Variants in STIL observed in about 807,000 individuals in gnomAD.
The protein encoded by STIL is SCL-interrupting locus protein.
A neutral mutation model predicts 110.1 loss-of-function variants in STIL; 55 were observed. That is an observed-to-expected ratio of 0.50 (90% CI 0.40 to 0.63). The LOEUF (loss-of-function observed/expected upper bound fraction) is 0.63. Ranked by LOEUF, STIL falls within the 20% of genes least tolerant of loss-of-function variation. The pLI is 0.00. For missense variants in STIL, 1,358 were observed against 1,530.0 expected, an observed-to-expected ratio of 0.89 and a Z score of 1.87; for synonymous variants, 481 against 530.0, an observed-to-expected ratio of 0.91 and a Z score of 1.27.
At chr1:47,279,024 G>A (rs2148952913) in intron 12 of STIL, among the ~76,000 whole-genome samples, 1 of 152,122 alleles carries the variant, frequency 6.6e-6, no homozygotes, top group African/African-American at 2.4e-5. Flanking sequence ...ATGGCCGGGC[G>A]CGGAGGCTCA....
chr1:47,270,239 AAAATAT>A (rs1226706679), intron 13 of STIL, among the ~76,000 whole-genome samples: 2 of 119,160 alleles, frequency 1.7e-5, no homozygotes, highest in African/African-American at 6.9e-5. Context: ...AAAAAAAAAA[AAAATAT>A]ATATATATAT....
At chr1:47,285,323 T>C (rs1362558560) in intron 10 of STIL, among the ~76,000 whole-genome samples, 1 of 152,186 alleles carries the variant, frequency 6.6e-6, no homozygotes, top group African/African-American at 2.4e-5. Flanking sequence ...TGAGCCACTG[T>C]GCTCAGCCTC....
At chr1:47,311,193 A>G (rs1646112518) in intron 1 of STIL, among the ~76,000 whole-genome samples, 1 of 147,330 alleles carries the variant, frequency 6.8e-6, no homozygotes, top group Admixed American at 6.8e-5. Flanking sequence ...ACTATCCTCC[A>G]CTCCCATTGC....
intron 2 of STIL, 141 bp downstream of exon 2, chr1:47,310,135 C>G: frequency 2.9e-6 from 2 of 680,084 alleles, no homozygotes; most frequent in Non-Finnish European, 5.0e-6. Context: ...ATCACGGTCA[C>G]CCACCTAACA....
At chr1:47,254,441 ATAATGT>A (rs1438601220) in intron 16 of STIL, among the ~76,000 whole-genome samples, 3 of 152,254 alleles carry the variant, frequency 2.0e-5, no homozygotes, top group East Asian at 1.9e-4. Flanking sequence ...CAGTCTATAG[ATAATGT>A]TAATGTAAAT....
chr1:47,302,845 CAAT>C (rs1386080641), intron 3 of STIL, among the ~76,000 whole-genome samples: 12 of 152,080 alleles, frequency 7.9e-5, no homozygotes, highest in African/African-American at 2.9e-4. Context: ...TGATTAACAA[CAAT>C]AATTAATAGT....
rs781198302 is a variant in STIL at position 47,251,090 on chromosome 1, C to T, written c.*46G>A. 1.1e-5 allele frequency: 18 copies of T among 1,576,968 alleles called. No homozygotes were observed. Among genetic ancestry groups the T allele is most frequent in the Non-Finnish European group, 1.6e-5 (18 of 1,157,798 alleles). ...GGCTCCTGTTTTCCCTAAGTATCTT[C>T]AGGAGACACCCTGTCCCTGTATTAA... is the stretch of plus-strand genomic sequence containing the variant. On this transcript the variant is annotated 3_prime_UTR_variant, in exon 17 of 17. Transcript: ENST00000371877.
rs1407593304 is a variant in STIL at position 47,311,123 on chromosome 1, G to C, written c.-43-761C>G. The stretch of plus-strand genomic sequence containing the variant: ...GGCCTCCCAAAGTGCTAGGATTACA[G>C]GTGTGAGCCACCATGCCCAGCCCAG... On this transcript the variant is annotated intron_variant, in intron 1 of 16. Transcript: ENST00000371877. Among the ~76,000 whole-genome samples the C allele has an allele frequency of 2.6e-5, 4 of 152,252 alleles. No homozygotes were observed. The East Asian group carries it at 7.7e-4, about 29-fold the overall frequency.
intron 6 of STIL, among the ~76,000 whole-genome samples, chr1:47,296,277 T>C (rs959568561): frequency 6.6e-6 from 1 of 152,130 alleles, no homozygotes; most frequent in African/African-American, 2.4e-5. Flanking sequence ...GACTTCTAAG[T>C]GAAGGAGACT....
intron 16 of STIL, among the ~76,000 whole-genome samples, chr1:47,257,938 A>G (rs961798851): frequency 2.6e-5 from 4 of 152,248 alleles, no homozygotes; most frequent in African/African-American, 9.6e-5. Context: ...TAGCTGGCAC[A>G]CATGTATATG....
intron 6 of STIL, among the ~76,000 whole-genome samples, chr1:47,298,491 G>A (rs1039627267): frequency 1.3e-5 from 2 of 152,060 alleles, no homozygotes; most frequent in Non-Finnish European, 2.9e-5. Flanking sequence ...TGGCAATTTG[G>A]TAAGCAAGAG....
rs1645149295 is a variant in STIL, at chr1:47,281,176, A to G, written c.1282T>C (p.Ser428Pro). 6.2e-7 allele frequency: 1 copy of G among 1,613,680 alleles called. No individual in the cohort carries two copies. The highest frequency in any genetic ancestry group is 8.5e-7 in the Non-Finnish European group (1 of 1,179,934). Reference protein sequence around the residue: ...SKIQPSVPELSLVLDGNFIES... With the variant: ...SKIQPSVPELPLVLDGNFIES... ...ATGAAATTGCCATCCAACACAAGTG[A>G]AAGTTCAGGAACTGATGGTTGGATC... Residue 428 changes from serine (S) to proline (P), a missense_variant, in exon 12 of 17, where the codon TCA (serine) becomes CCA (proline). Transcript: ENST00000371877.
chr1:47,302,272 G>GA lies in STIL; in HGVS notation c.226dup (p.Ser76PhefsTer15). ...CAGAGAACCAAGTAAAAAGCATGAC[G>GA]AATTTTTTTTATTCTGCTTAGCATG... is the stretch of plus-strand genomic sequence containing the variant. On this transcript the variant is annotated frameshift_variant, in exon 4 of 17. Transcript: ENST00000371877. LOFTEE classifies it high-confidence loss of function. 6.2e-7 allele frequency: 1 copy of GA among 1,613,942 alleles called. No individual in the cohort carries two copies. The highest frequency in any genetic ancestry group is 8.5e-7 in the Non-Finnish European group (1 of 1,179,946).
At chr1:47,269,090 A>G (rs77764365) in intron 14 of STIL, among the ~76,000 whole-genome samples, 1 of 139,204 alleles carries the variant, frequency 7.2e-6, no homozygotes, top group East Asian at 2.0e-4. Context: ...GACTCCGTCA[A>G]AAAAAAAAAA....
intron 6 of STIL, among the ~76,000 whole-genome samples, chr1:47,297,942 A>T (rs1347092295): frequency 6.6e-6 from 1 of 152,178 alleles, no homozygotes; most frequent in Non-Finnish European, 1.5e-5. Context: ...AAACAAATTA[A>T]TTTTTTTGTT....
chr1:47,298,149 A>G (rs1244285236), intron 6 of STIL, among the ~76,000 whole-genome samples: 1 of 152,198 alleles, frequency 6.6e-6, no homozygotes, highest in East Asian at 1.9e-4. Context: ...AGGTATTTTT[A>G]GAGAATAAGA....
rs1291450658 is a variant in STIL, at chr1:47,251,233, A to G, written c.3770T>C (p.Leu1257Ser). 6.2e-7 allele frequency: 1 copy of G among 1,611,290 alleles called. No homozygotes were observed. Among genetic ancestry groups the G allele is most frequent in the East Asian group, 2.2e-5 (1 of 44,862 alleles). ...CTGCTTTAGCGTTTCAGAAGGTTGC[A>G]AACTTTCAGGAAAAATTGTAATGTC... ...EGDITIFPES[L>S]QPSETLKQMN... The change falls in exon 17 of 17, where the codon TTG (leucine) becomes TCG (serine). Residue 1257 changes from leucine (L) to serine (S), a missense_variant. Transcript: ENST00000371877.
In STIL at chr1:47,288,876, C is replaced by T. The variant is rs1258840691; in HGVS notation, c.1023+559G>A. ...AGCATGGCCAACATGGTGAAACTCC[C>T]TCTCTAATGAAAATACAAAAAAAAA... On this transcript the variant is annotated intron_variant, in intron 9 of 16. Coordinates refer to ENST00000371877, the MANE Select transcript of STIL (RefSeq NM_001048166.1). 7.4e-5 allele frequency among the ~76,000 whole-genome samples: 10 copies of T among 135,372 alleles called. No homozygotes were observed. In the East Asian group the frequency reaches 2.2e-3, roughly 29 times the overall value. The allele number at this position is 135,372 out of a possible 152,430, so 88.8% of individuals were successfully genotyped here.
chr1:47,285,063 A>G (rs925821875), intron 10 of STIL, among the ~76,000 whole-genome samples: 2 of 133,536 alleles, frequency 1.5e-5, no homozygotes, highest in African/African-American at 5.8e-5. Context: ...TCATTTTATC[A>G]CCCAGGCTGC....
Sources: gnomAD v4.1 joint callset for allele counts (sites outside exome capture counted in the v4.1 genomes callset) on GRCh38, gnomAD v4.1.1 for gene constraint, MANE v1.5 for transcripts, NCBI Gene and HGNC (gene_info 2026-07-23, HGNC 2026-07-21) for gene names.